The following FGF12 variants were observed in gnomAD, a reference collection of about 807,000 sequenced individuals.
FGF12 encodes the protein fibroblast growth factor 12B.
In FGF12, 14 loss-of-function variants were observed where a neutral mutation model predicts 23.6. That is an observed-to-expected ratio of 0.59 (90% CI 0.39 to 0.93). FGF12 has a LOEUF of 0.93. Among genes scored for constraint, FGF12 ranks in the 40% least tolerant of loss-of-function variants. FGF12 has a pLI of 0.00. For synonymous variants in FGF12, 62 were observed against 77.3 expected, an observed-to-expected ratio of 0.80 and a Z score of 1.04; for missense variants, 175 against 217.8, an observed-to-expected ratio of 0.80 and a Z score of 1.24.
intron 4 of FGF12, among the ~76,000 whole-genome samples, chr3:192,197,465 G>A (rs916475498): frequency 6.6e-6 from 1 of 151,914 alleles, no homozygotes; most frequent in African/African-American, 2.4e-5. Flanking sequence ...TTTTTGTCTA[G>A]CTTTTATAAA....
intron 4 of FGF12, among the ~76,000 whole-genome samples, chr3:192,251,723 G>GA (rs944711165): frequency 2.1e-4 from 32 of 150,790 alleles, no homozygotes; most frequent in African/African-American, 7.8e-4. Flanking sequence ...AGTTGCATGA[G>GA]AAAAAAAAGC....
At chr3:192,629,266 A>G (rs1577087422) in intron 2 of FGF12, among the ~76,000 whole-genome samples, 1 of 152,234 alleles carries the variant, frequency 6.6e-6, no homozygotes, top group Non-Finnish European at 1.5e-5. Flanking sequence ...GAACACAGCA[A>G]GTTGATTTAC....
At chr3:192,305,679 A>AATAT (rs1241285508) in intron 4 of FGF12, among the ~76,000 whole-genome samples, 3,602 of 131,748 alleles carry the variant, frequency 0.027, 93 homozygotes, top group East Asian at 0.083. Flanking sequence ...AAAAAAAAAA[A>AATAT]ATATATATAT....
chr3:192,360,591 C>G lies in FGF12; in HGVS notation c.14-53G>C. ...TTTATTTGGCTTACACAAATGCACA[C>G]TTACAGATTGTTAAAAACATCCTGT... On this transcript the variant is annotated intron_variant, in intron 2 of 5. Coordinates refer to ENST00000445105, the MANE Select transcript of FGF12 (RefSeq NM_004113.6). This position sits in a 1 kb window ranked among gnomAD's most constrained non-coding sequence, Gnocchi z 4.3. 1 of 1,211,934 alleles carries G rather than the reference C, an allele frequency of 8.3e-7. No individual in the cohort carries two copies. 75.1% of individuals were successfully genotyped at this position (1,211,934 alleles called of 1,614,324 possible).
Position 192,667,607 on chromosome 3 carries a change from T to TAA in FGF12, c.13+59572_13+59573dup, listed in dbSNP as rs59867848. 3.3e-3 allele frequency among the ~76,000 whole-genome samples: 251 copies of TAA among 76,172 alleles called. 6 individuals are homozygous for TAA. Among genetic ancestry groups the TAA allele is most frequent in the South Asian group, 7.9e-3 (14 of 1,780 alleles). 50.0% of individuals were successfully genotyped at this position (76,172 alleles called of 152,430 possible). On this transcript the variant is annotated intron_variant, in intron 2 of 5. Coordinates refer to ENST00000445105, the MANE Select transcript of FGF12 (RefSeq NM_004113.6). ...GCCTGGGCGACAGAGCGAGACTCCG[T>TAA]AAAAAAAAAAAAAAAAAAAAAAAAA...
intron 2 of FGF12, among the ~76,000 whole-genome samples, chr3:192,622,835 G>A (rs1246990438): frequency 6.6e-6 from 1 of 152,038 alleles, no homozygotes. Context: ...TCAAGGTTTT[G>A]TTGTTTTCTT....
intron 2 of FGF12, among the ~76,000 whole-genome samples, chr3:192,598,239 G>C (rs774642284): frequency 6.6e-6 from 1 of 152,084 alleles, no homozygotes; most frequent in African/African-American, 2.4e-5. Context: ...AAATGCCCAC[G>C]CCACCAGTGA....
intron 2 of FGF12, among the ~76,000 whole-genome samples, chr3:192,611,746 A>G (rs563547957): frequency 4.6e-5 from 7 of 152,170 alleles, no homozygotes; most frequent in Admixed American, 2.6e-4. Context: ...AGCAACAGAT[A>G]TAAGTGCTAG....
chr3:192,712,240 C>A (rs1268199848), intron 2 of FGF12, among the ~76,000 whole-genome samples: 1 of 150,926 alleles, frequency 6.6e-6, no homozygotes, highest in Non-Finnish European at 1.5e-5. Flanking sequence ...AAAATATAAA[C>A]AAGTAAGATT....
chr3:192,595,237 T>C (rs1713788932), intron 2 of FGF12, among the ~76,000 whole-genome samples: 1 of 152,218 alleles, frequency 6.6e-6, no homozygotes, highest in African/African-American at 2.4e-5. Flanking sequence ...ACGTTCACTG[T>C]ATATTTGTAA....
chr3:192,219,377 G>A lies in FGF12; in HGVS notation c.229-48721C>T, dbSNP rs114318600. Among the ~76,000 whole-genome samples, 1,310 of 151,586 alleles carry A rather than the reference G, an allele frequency of 8.6e-3. 19 individuals carry two copies. Among genetic ancestry groups the A allele is most frequent in the African/African-American group, 0.03 (1,239 of 41,458 alleles). ...TGGGATTACAGATGTGAGCCACTGC[G>A]CCAGGTCATTTTAATTTTTAAATAT... is the stretch of plus-strand genomic sequence containing the variant. On this transcript the variant is annotated intron_variant, in intron 4 of 5. Transcript: ENST00000445105.
At chr3:192,661,785 A>G (rs1335826668) in intron 2 of FGF12, among the ~76,000 whole-genome samples, 2 of 152,232 alleles carry the variant, frequency 1.3e-5, no homozygotes, top group Non-Finnish European at 2.9e-5. Flanking sequence ...AATGACTGAC[A>G]TGTTAAGGTT....
At chr3:192,529,645 A>G (rs957916387) in intron 2 of FGF12, among the ~76,000 whole-genome samples, 1 of 152,192 alleles carries the variant, frequency 6.6e-6, no homozygotes, top group African/African-American at 2.4e-5. Context: ...TTACAAAAGA[A>G]AGAGGTTTAA....
At chr3:192,560,067 TAAAATTCACTAAG>T (rs1711948244) in intron 2 of FGF12, among the ~76,000 whole-genome samples, 1 of 152,074 alleles carries the variant, frequency 6.6e-6, no homozygotes, top group African/African-American at 2.4e-5. Context: ...GGCATTGAAT[TAAAATTCACTAAG>T]ATGAAGAAAA....
At chr3:192,257,171 T>C (rs866123877) in intron 4 of FGF12, among the ~76,000 whole-genome samples, 14 of 152,288 alleles carry the variant, frequency 9.2e-5, no homozygotes, top group Middle Eastern at 3.4e-3. Context: ...TTTTCCCACA[T>C]TTTATCAGAT....
At chr3:192,419,445 A>G (rs1721455100) in intron 2 of FGF12, among the ~76,000 whole-genome samples, 1 of 152,162 alleles carries the variant, frequency 6.6e-6, no homozygotes, top group African/African-American at 2.4e-5. Flanking sequence ...CTGTGTGTGT[A>G]GAGGCAAACT....
chr3:192,321,515 CA>C (rs958769041), intron 4 of FGF12, among the ~76,000 whole-genome samples: 2 of 141,610 alleles, frequency 1.4e-5, no homozygotes, highest in African/African-American at 2.6e-5. Context: ...AAAAAAACCA[CA>C]CAAAAAAACT....
chr3:192,506,892 GT>G (rs34935744), intron 2 of FGF12, among the ~76,000 whole-genome samples: 83,395 of 123,224 alleles, frequency 0.68, 28,131 homozygotes, highest in East Asian at 0.78. Context: ...CATTAACTCA[GT>G]TTTTTTTTTT....
At chr3:192,274,728 C>A (rs1713673199) in intron 4 of FGF12, among the ~76,000 whole-genome samples, 1 of 152,198 alleles carries the variant, frequency 6.6e-6, no homozygotes, top group Non-Finnish European at 1.5e-5. Context: ...ATTAGCATGA[C>A]TGATGTTCAG....
Sources: gnomAD v4.1 joint callset for allele counts (sites outside exome capture counted in the v4.1 genomes callset) on GRCh38, gnomAD v4.1.1 for gene constraint, Gnocchi (gnomAD v3.1) non-coding constraint, MANE v1.5 for transcripts, NCBI Gene and HGNC (gene_info 2026-07-23, HGNC 2026-07-21) for gene names.